The following LRIF1 variants were observed in gnomAD, a reference collection of about 807,000 sequenced individuals.
LRIF1 encodes the protein ligand dependent nuclear receptor interacting factor 1.
Under a neutral mutation model 52.7 loss-of-function variants are expected in LRIF1, and 32 were observed. The observed-to-expected ratio is 0.61, with a 90% CI of 0.46 to 0.82. The LOEUF (loss-of-function observed/expected upper bound fraction) is 0.82, where lower values mean the gene tolerates loss of function less well. Among genes scored for constraint, LRIF1 ranks in the 40% least tolerant of loss-of-function variants. The pLI, the probability that LRIF1 is intolerant of heterozygous loss-of-function variation, is 0.00. For synonymous variants in LRIF1, 323 were observed against 317.4 expected, an observed-to-expected ratio of 1.02 and a Z score of -0.19; for missense variants, 887 against 892.0, an observed-to-expected ratio of 0.99 and a Z score of 0.07.
chr1:110,935,830 TA>T, the LRIF1 span, among the ~76,000 whole-genome samples: 1 of 151,862 alleles, frequency 6.6e-6, no homozygotes, highest in African/African-American at 2.4e-5. Flanking sequence ...AATATATCAA[TA>T]TCCATATACA....
the LRIF1 span, among the ~76,000 whole-genome samples, chr1:110,906,194 T>C: frequency 9.2e-5 from 14 of 152,272 alleles, no homozygotes; most frequent in East Asian, 1.5e-3. Flanking sequence ...GGCAATGTTA[T>C]TGGGTATAAA....
chr1:110,892,111 C>A, the LRIF1 span, among the ~76,000 whole-genome samples: 3 of 152,196 alleles, frequency 2.0e-5, no homozygotes, highest in African/African-American at 7.2e-5. Flanking sequence ...CAGAAGTGAT[C>A]TTTCCTTGGT....
chr1:110,908,857 G>A, the LRIF1 span, among the ~76,000 whole-genome samples: 1 of 152,114 alleles, frequency 6.6e-6, no homozygotes, highest in East Asian at 1.9e-4. Context: ...CTCTAGAGAC[G>A]TCAACGCACA....
At chr1:110,939,899 T>C in the LRIF1 span, 1 of 152,174 alleles carries the variant, frequency 6.6e-6, no homozygotes, top group Non-Finnish European at 1.5e-5. Context: ...AAAACATTGA[T>C]GAAAATCTCC....
the LRIF1 span, among the ~76,000 whole-genome samples, chr1:110,877,117 C>G: frequency 1.2e-4 from 18 of 152,284 alleles, no homozygotes; most frequent in East Asian, 3.1e-3. Flanking sequence ...TTTCTAGTCA[C>G]GCATTGCCTT....
chr1:110,916,592 A>C, the LRIF1 span, among the ~76,000 whole-genome samples: 1 of 152,218 alleles, frequency 6.6e-6, no homozygotes, highest in African/African-American at 2.4e-5. Context: ...AGTAATTATA[A>C]GTAATGTAAA....
the LRIF1 span, among the ~76,000 whole-genome samples, chr1:110,921,039 T>G: frequency 1.3e-5 from 2 of 152,126 alleles, no homozygotes; most frequent in South Asian, 4.1e-4. Flanking sequence ...AGTGGGCAAG[T>G]ACAAATGAAC....
At chr1:110,886,209 A>G in the LRIF1 span, among the ~76,000 whole-genome samples, 562 of 152,232 alleles carry the variant, frequency 3.7e-3, 7 homozygotes, top group African/African-American at 0.013. Flanking sequence ...TTTTCCAATA[A>G]GAAGTCTGCT....
chr1:110,935,574 A>G, the LRIF1 span, among the ~76,000 whole-genome samples: 1 of 152,230 alleles, frequency 6.6e-6, no homozygotes, highest in Admixed American at 6.5e-5. Flanking sequence ...AATGCATCAG[A>G]ATATTTTAAT....
chr1:110,939,525 A>G, the LRIF1 span: 1 of 152,202 alleles, frequency 6.6e-6, no homozygotes, highest in Non-Finnish European at 1.5e-5. Context: ...GACCAAGAAG[A>G]GCCAAAGCTA....
the LRIF1 span, among the ~76,000 whole-genome samples, chr1:110,915,581 A>G: frequency 6.6e-6 from 1 of 152,220 alleles, no homozygotes; most frequent in Non-Finnish European, 1.5e-5. Flanking sequence ...ACCAACAGCA[A>G]AAGCACAAAG....
chr1:110,905,260 G>C, the LRIF1 span, among the ~76,000 whole-genome samples: 2 of 152,170 alleles, frequency 1.3e-5, no homozygotes, highest in African/African-American at 4.8e-5. Flanking sequence ...CCTAGAGAAA[G>C]ATATCAATAA....
intron 1 of LRIF1, among the ~76,000 whole-genome samples, chr1:110,958,642 C>T (rs1285920490): frequency 6.6e-6 from 1 of 152,076 alleles, no homozygotes; most frequent in Non-Finnish European, 1.5e-5. Context: ...TTTTCCCTCT[C>T]TTTTCCTCTA....
At chr1:110,894,547 T>C in the LRIF1 span, 2 of 615,774 alleles carry the variant, frequency 3.2e-6, no homozygotes, top group Non-Finnish European at 2.8e-6. Flanking sequence ...GTAATTGTAA[T>C]TGGGGGGAAA....
At chr1:110,940,737 C>T in the LRIF1 span, 4 of 152,002 alleles carry the variant, frequency 2.6e-5, no homozygotes, top group Admixed American at 6.5e-5. Flanking sequence ...CACAGAAAGA[C>T]AAACATTGCA....
the LRIF1 span, among the ~76,000 whole-genome samples, chr1:110,891,854 A>G: frequency 3.3e-5 from 5 of 152,196 alleles, no homozygotes; most frequent in African/African-American, 4.8e-5. Context: ...CACCCTTTCC[A>G]GGGAGGTTTC....
At chr1:110,912,592 T>A in the LRIF1 span, among the ~76,000 whole-genome samples, 34 of 152,240 alleles carry the variant, frequency 2.2e-4, no homozygotes, top group African/African-American at 8.2e-4. Flanking sequence ...GCCACAATAA[T>A]AATAAAATAT....
the LRIF1 span, chr1:110,897,871 C>T: frequency 5.0e-6 from 8 of 1,608,840 alleles, no homozygotes; most frequent in Non-Finnish European, 6.8e-6. Flanking sequence ...GAATCATCAC[C>T]ATCTGTGTAT....
the LRIF1 span, chr1:110,891,320 A>C: frequency 2.9e-6 from 3 of 1,038,246 alleles, no homozygotes; most frequent in African/African-American, 4.7e-5. Flanking sequence ...AGATCCCTGA[A>C]CATTTGTGCA....
Sources: allele counts gnomAD v4.1 joint callset (sites outside exome capture counted in the v4.1 genomes callset), GRCh38; gene constraint gnomAD v4.1.1; transcripts MANE v1.5; gene names NCBI Gene and HGNC (gene_info 2026-07-23, HGNC 2026-07-21).